Variants in WNK3 observed in about 807,000 individuals in gnomAD.
WNK3 encodes serine/threonine-protein kinase WNK3.
WNK3 carries 18 observed loss-of-function variants against 116.7 expected under a neutral mutation model. That is an observed-to-expected ratio of 0.15 (90% CI 0.11 to 0.23). The LOEUF is 0.23. Among genes scored for constraint, WNK3 ranks in the 10% least tolerant of loss-of-function variants. The probability of loss-of-function intolerance (pLI) is 1.00; values close to 1 mark genes in which losing one functional copy is unlikely to be tolerated. For synonymous variants in WNK3, 404 were observed against 469.4 expected, an observed-to-expected ratio of 0.86 and a Z score of 1.80; for missense variants, 993 against 1,323.8, an observed-to-expected ratio of 0.75 and a Z score of 3.88.
intron 20 of WNK3, among the ~76,000 whole-genome samples, chrX:54,236,672 CA>C (rs1325258632): frequency 1.8e-5 from 2 of 111,121 alleles, no homozygotes; most frequent in Admixed American, 1.9e-4. Context: ...AATCTAAAAC[CA>C]AAAGTCCTGA....
Position 54,198,659 on chromosome X carries a change from A to G in WNK3, c.5074-6T>C. On this transcript the variant is annotated splice_polypyrimidine_tract_variant and splice_region_variant and intron_variant, in intron 23 of 23. Transcript: ENST00000354646. ...CCCATAGTAGACGGAGTATTCTAAGAAAAACAAAAATAAAAACAAAAGATC... is the reference window on the plus strand; with the variant it reads ...CCCATAGTAGACGGAGTATTCTAAGGAAAACAAAAATAAAAACAAAAGATC... 1.8e-6 allele frequency: 2 copies of G among 1,134,636 alleles called. No homozygotes were observed. The highest frequency in any genetic ancestry group is 2.4e-6 in the Non-Finnish European group (2 of 849,908). 93.5% of individuals were successfully genotyped at this position (1,134,636 alleles called of 1,213,427 possible).
intron 1 of WNK3, among the ~76,000 whole-genome samples, chrX:54,345,284 ATG>A (rs34622037): frequency 7.3e-4 from 50 of 68,588 alleles, no homozygotes; most frequent in African/African-American, 2.9e-3. Flanking sequence ...CTATATATAT[ATG>A]TATGTATGTA....
chrX:54,292,820 C>A, intron 10 of WNK3, 68 bp downstream of exon 10: 12 of 1,065,675 alleles, frequency 1.1e-5, no homozygotes, highest in Non-Finnish European at 1.5e-5. Context: ...AGAACTTTTG[C>A]CTGTCAGAAA....
intron 10 of WNK3, among the ~76,000 whole-genome samples, chrX:54,271,173 T>A (rs1384031371): frequency 8.9e-6 from 1 of 111,815 alleles, no homozygotes; most frequent in African/African-American, 3.2e-5. Context: ...ATTAAAAAAA[T>A]ATATATACCA....
At chrX:54,345,517 C>T (rs1557177409) in intron 1 of WNK3, among the ~76,000 whole-genome samples, 1 of 110,485 alleles carries the variant, frequency 9.1e-6, no homozygotes, top group Non-Finnish European at 1.9e-5. Flanking sequence ...ATTAGAACCA[C>T]AAAGAGGCGA....
chrX:54,281,834 ACAC>A (rs1360144989), intron 10 of WNK3, among the ~76,000 whole-genome samples: 1 of 110,902 alleles, frequency 9.0e-6, no homozygotes, highest in Middle Eastern at 4.2e-3. Context: ...ATATGCACAC[ACAC>A]CACATTTTTG....
At chrX:54,293,320 A>G in exon 9 of WNK3, 2 of 1,183,153 alleles carry the variant, frequency 1.7e-6, no homozygotes, top group Non-Finnish European at 2.3e-6. Context: ...CCTCAGACAA[A>G]TTGTCACCTA....
intron 1 of WNK3, among the ~76,000 whole-genome samples, chrX:54,338,628 C>G (rs2069275815): frequency 9.2e-6 from 1 of 108,661 alleles, no homozygotes; most frequent in South Asian, 4.0e-4. Flanking sequence ...TATTCAGACC[C>G]CTAATATAAT....
chrX:54,327,615 G>T (rs781784872), intron 2 of WNK3, among the ~76,000 whole-genome samples: 1 of 111,588 alleles, frequency 9.0e-6, no homozygotes, highest in South Asian at 3.8e-4. Context: ...CTACTTGGTT[G>T]GCCAAGGCAG....
At chrX:54,320,665 C>T (rs782620738) in intron 2 of WNK3, among the ~76,000 whole-genome samples, 14 of 109,226 alleles carry the variant, frequency 1.3e-4, no homozygotes, top group Non-Finnish European at 2.3e-4. Context: ...CAAGACACTA[C>T]TGGGACATGC....
In WNK3 at chrX:54,243,723, G is replaced by A. The variant is rs1569536465; in HGVS notation, c.3652-4624C>T. Among the ~76,000 whole-genome samples the A allele has an allele frequency of 2.7e-5, 3 of 111,889 alleles. 1 individual carries two copies. The highest frequency in any genetic ancestry group is 1.9e-4 in the Admixed American group (2 of 10,451). ...TGTGCTGGTGGGAATGTAAAATGGTGTGGCTGCTTTAGAAAAGAGTTTGGT... is the reference window on the plus strand; with the variant it reads ...TGTGCTGGTGGGAATGTAAAATGGTATGGCTGCTTTAGAAAAGAGTTTGGT... On this transcript the variant is annotated intron_variant, in intron 17 of 23. Transcript: ENST00000354646.
At chrX:54,306,879 C>G (rs2068831775) in intron 5 of WNK3, among the ~76,000 whole-genome samples, 1 of 110,960 alleles carries the variant, frequency 9.0e-6, no homozygotes, top group Non-Finnish European at 1.9e-5. Flanking sequence ...GTGTGTATCT[C>G]AAAACATCAC....
At chrX:54,228,716 T>C in exon 22 of WNK3, 1 of 489,884 alleles carries the variant, frequency 2.0e-6, no homozygotes, top group Non-Finnish European at 3.7e-6. Flanking sequence ...ATACTTACTT[T>C]CCAACTCATT....
At chrX:54,351,773 G>A (rs781881078) in intron 1 of WNK3, among the ~76,000 whole-genome samples, 5 of 111,062 alleles carry the variant, frequency 4.5e-5, no homozygotes, top group African/African-American at 9.8e-5. Context: ...CTAGTTGGGC[G>A]TGGTGGCACG....
At chrX:54,220,998 C>T (rs1177881392) in intron 22 of WNK3, among the ~76,000 whole-genome samples, 5 of 111,769 alleles carry the variant, frequency 4.5e-5, no homozygotes, top group African/African-American at 1.6e-4. Context: ...CCAAACAAAA[C>T]ACAGGCATAC....
intron 22 of WNK3, among the ~76,000 whole-genome samples, chrX:54,212,879 T>C (rs2067631419): frequency 9.0e-6 from 1 of 111,474 alleles, no homozygotes; most frequent in African/African-American, 3.3e-5. Context: ...TATTCATAGG[T>C]AGGGATATGT....
chrX:54,206,393 A>T (rs1161731834), intron 22 of WNK3, among the ~76,000 whole-genome samples: 1 of 111,586 alleles, frequency 9.0e-6, no homozygotes, highest in African/African-American at 3.3e-5. Context: ...GTCTCTAAAA[A>T]AATTAAATTA....
chrX:54,312,719 G>T (rs1010285359), intron 2 of WNK3, among the ~76,000 whole-genome samples: 2 of 111,516 alleles, frequency 1.8e-5, no homozygotes, highest in Non-Finnish European at 3.8e-5. Context: ...GGGACTACAG[G>T]AGTGAGCTAT....
At chrX:54,234,345 A>C (rs113731468) in intron 20 of WNK3, among the ~76,000 whole-genome samples, 2,879 of 110,805 alleles carry the variant, frequency 0.026, 101 homozygotes, top group African/African-American at 0.091. Flanking sequence ...GCACTCCAGC[A>C]TGGGTAACAT....
Sources: allele counts gnomAD v4.1 joint callset (sites outside exome capture counted in the v4.1 genomes callset), GRCh38; gene constraint gnomAD v4.1.1; transcripts MANE v1.5; gene names NCBI Gene and HGNC (gene_info 2026-07-23, HGNC 2026-07-21).